Variants in KLHL3 observed in about 807,000 individuals in gnomAD.
KLHL3 encodes kelch-like protein 3.
In KLHL3, 19 loss-of-function variants were observed where a neutral mutation model predicts 70.5. That is an observed-to-expected ratio of 0.27 (90% confidence interval 0.19 to 0.40). The LOEUF (loss-of-function observed/expected upper bound fraction) is 0.40, where lower values mean the gene tolerates loss of function less well. Among genes scored for constraint, KLHL3 ranks in the 10% least tolerant of loss-of-function variants. The pLI, the probability that KLHL3 is intolerant of heterozygous loss-of-function variation, is 1.00. For synonymous variants in KLHL3, 258 were observed against 290.3 expected (o/e 0.89, Z 1.13); for missense variants, 512 against 771.1 (o/e 0.66, Z 3.98).
At chr5:137,674,790 T>C (rs2149905750) in intron 6 of KLHL3, among the ~76,000 whole-genome samples, 1 of 152,342 alleles carries the variant, frequency 6.6e-6, no homozygotes, top group South Asian at 2.1e-4. Context: ...AAGGAAAGGT[T>C]ATTATGCATG....
intron 8 of KLHL3, among the ~76,000 whole-genome samples, chr5:137,657,482 C>T (rs1751372292): frequency 1.3e-5 from 2 of 152,078 alleles, no homozygotes; most frequent in African/African-American, 2.4e-5. Flanking sequence ...AAAGAAGACT[C>T]GCAGGGAACC....
At chr5:137,703,347 C>G (rs944272637) in intron 3 of KLHL3, among the ~76,000 whole-genome samples, 1 of 152,206 alleles carries the variant, frequency 6.6e-6, no homozygotes. Context: ...TTTCTTCCCC[C>G]CAACCCTCAT....
At chr5:137,653,598 T>C (rs1401775238) in intron 8 of KLHL3, among the ~76,000 whole-genome samples, 1 of 152,206 alleles carries the variant, frequency 6.6e-6, no homozygotes, top group Non-Finnish European at 1.5e-5. Flanking sequence ...TAAAAATAGA[T>C]AATGTCAAGT....
intron 14 of KLHL3, among the ~76,000 whole-genome samples, chr5:137,622,674 C>A (rs191580700): frequency 1.3e-5 from 2 of 152,342 alleles, no homozygotes; most frequent in East Asian, 3.9e-4. Context: ...CAAATGTCAT[C>A]TAAGAGACCC....
At chr5:137,658,661 C>T (rs1751402260) in intron 7 of KLHL3, among the ~76,000 whole-genome samples, 1 of 152,160 alleles carries the variant, frequency 6.6e-6, no homozygotes, top group African/African-American at 2.4e-5. Context: ...GATTTGAATG[C>T]ATTATAATGC....
At chr5:137,675,252 C>G (rs1448253188) in intron 6 of KLHL3, among the ~76,000 whole-genome samples, 1 of 152,172 alleles carries the variant, frequency 6.6e-6, no homozygotes, top group Non-Finnish European at 1.5e-5. Context: ...TTGAGCAACA[C>G]TGCAAACAAT....
chr5:137,724,192 TA>T (rs1185125166), intron 1 of KLHL3, among the ~76,000 whole-genome samples: 9 of 152,246 alleles, frequency 5.9e-5, no homozygotes, highest in Admixed American at 3.3e-4. Context: ...TGGAGAGACT[TA>T]AAAGCCAGAA....
chr5:137,653,353 T>C (rs529222579), intron 8 of KLHL3, among the ~76,000 whole-genome samples: 1 of 152,268 alleles, frequency 6.6e-6, no homozygotes, highest in South Asian at 2.1e-4. Context: ...TTGCACAATA[T>C]ATATCTTATT....
rs188768667 is a variant in KLHL3, at chr5:137,710,785, T to G, written c.135-929A>C. ...GCCAGGCACTGTTCTAAGCACTTTTTTACACATATTACTTCATCCTCTCTA... is the reference window on the plus strand; with the variant it reads ...GCCAGGCACTGTTCTAAGCACTTTTGTACACATATTACTTCATCCTCTCTA... On this transcript the variant is annotated intron_variant, in intron 2 of 14. Coordinates refer to ENST00000309755, the MANE Select transcript of KLHL3 (RefSeq NM_017415.3). Among the ~76,000 whole-genome samples the G allele has an allele frequency of 3.4e-4, 52 of 152,328 alleles. No homozygotes were observed. In the East Asian group the frequency reaches 9.8e-3, roughly 29 times the overall value.
chr5:137,662,246 C>CTCT (rs1013994609), intron 6 of KLHL3, among the ~76,000 whole-genome samples: 4 of 124,638 alleles, frequency 3.2e-5, no homozygotes, highest in Non-Finnish European at 6.7e-5. Context: ...ACTCTACACA[C>CTCT]ACACACACAC....
At chr5:137,628,046 T>G in intron 13 of KLHL3, 1 of 504,192 alleles carries the variant, frequency 2.0e-6, no homozygotes. Flanking sequence ...CTGTGTGCGG[T>G]AAAAGTCATC....
rs1196138665 is a variant in KLHL3 at position 137,720,180 on chromosome 5, A to T, written c.134+285T>A. 3.3e-5 allele frequency among the ~76,000 whole-genome samples: 5 copies of T among 152,050 alleles called. No homozygotes were observed. In the East Asian group the frequency reaches 9.7e-4, roughly 29 times the overall value. The stretch of plus-strand genomic sequence containing the variant: ...CTGGGCGTGGTGGCATGCGCCTGTA[A>T]TCCCAGCTACTCGGGAGGCTGAGGC... On this transcript the variant is annotated intron_variant, in intron 2 of 14. Coordinates refer to ENST00000309755, the MANE Select transcript of KLHL3 (RefSeq NM_017415.3).
chr5:137,709,598 T>C, intron 3 of KLHL3, 152 bp downstream of exon 3: 2 of 646,066 alleles, frequency 3.1e-6, no homozygotes, highest in Non-Finnish European at 5.5e-6. Flanking sequence ...AAGTCCTCCA[T>C]GGCACAAAGC....
intron 5 of KLHL3, among the ~76,000 whole-genome samples, chr5:137,686,502 C>A (rs557190419): frequency 6.6e-6 from 1 of 152,376 alleles, no homozygotes; most frequent in African/African-American, 2.4e-5. Context: ...TAGTTCTGAT[C>A]TGGAAGGTCT....
intron 6 of KLHL3, among the ~76,000 whole-genome samples, chr5:137,664,381 G>T (rs141151159): frequency 2.6e-5 from 4 of 151,456 alleles, no homozygotes; most frequent in Admixed American, 1.3e-4. Flanking sequence ...TAATTCATGC[G>T]CCCATATGGA....
intron 5 of KLHL3, among the ~76,000 whole-genome samples, chr5:137,691,840 G>A (rs1016499661): frequency 8.6e-5 from 13 of 151,038 alleles, no homozygotes; most frequent in Non-Finnish European, 1.5e-4. Flanking sequence ...GGATAGTCTC[G>A]ATCTCCTGAC....
intron 7 of KLHL3, among the ~76,000 whole-genome samples, chr5:137,660,189 C>T (rs1265963484): frequency 1.3e-5 from 2 of 152,196 alleles, no homozygotes; most frequent in African/African-American, 2.4e-5. Flanking sequence ...TGCCTCTGAC[C>T]CCCTTCTTTT....
intron 14 of KLHL3, among the ~76,000 whole-genome samples, chr5:137,622,537 C>T (rs887839071): frequency 3.9e-5 from 6 of 152,340 alleles, no homozygotes; most frequent in African/African-American, 1.2e-4. Context: ...TGGAATGAAG[C>T]GGAAAGTACA....
intron 14 of KLHL3, among the ~76,000 whole-genome samples, chr5:137,622,584 C>CCATT (rs1350936158): frequency 6.6e-6 from 1 of 152,240 alleles, no homozygotes; most frequent in Admixed American, 6.5e-5. Context: ...AGACTGAATT[C>CCATT]CATTCCTAGC....
Sources: gnomAD v4.1 joint callset for allele counts (sites outside exome capture counted in the v4.1 genomes callset) on GRCh38, gnomAD v4.1.1 for gene constraint, MANE v1.5 for transcripts, NCBI Gene and HGNC (gene_info 2026-07-23, HGNC 2026-07-21) for gene names.